Variants in PUF60 observed in about 807,000 individuals in gnomAD.
The protein encoded by PUF60 is poly(U) binding splicing factor 60, also known as poly(U)-binding-splicing factor PUF60.
Under a neutral mutation model 61.8 loss-of-function variants are expected in PUF60, and 10 were observed. That is an observed-to-expected ratio of 0.16 (90% confidence interval 0.10 to 0.27). PUF60 has a LOEUF of 0.27. PUF60 is among the 10% of genes least tolerant of loss of function. PUF60 has a pLI of 1.00. For missense variants in PUF60, 371 were observed against 754.0 expected, an observed-to-expected ratio of 0.49 and a Z score of 5.95; for synonymous variants, 353 against 300.9, an observed-to-expected ratio of 1.17 and a Z score of -1.79.
Position 143,816,409 on chromosome 8 carries a change from C to T in PUF60, c.*111G>A, listed in dbSNP as rs1246419560. ...CCAGCAGCATCCGCACCTTTATCCG[C>T]ACTGTAGGCTGGGCTGGGCAGAGCG... On this transcript the variant is annotated 3_prime_UTR_variant, in exon 12 of 12. Transcript: ENST00000526683. 3.2e-6 allele frequency: 4 copies of T among 1,253,432 alleles called. No individual in the cohort carries two copies. The South Asian group carries it at 6.0e-5, about 19-fold the overall frequency. The allele number at this position is 1,253,432 out of a possible 1,614,324, so 77.6% of individuals were successfully genotyped here. A position where few individuals can be genotyped will look rare whatever the true frequency, so the allele number is the denominator to read the frequency against.
chr8:143,825,799 C>T (rs1339631502), intron 1 of PUF60, among the ~76,000 whole-genome samples: 2 of 152,226 alleles, frequency 1.3e-5, no homozygotes, highest in African/African-American at 4.8e-5. Context: ...AGCAAGAGAT[C>T]ACTTCACGAC....
intron 1 of PUF60, among the ~76,000 whole-genome samples, chr8:143,828,463 T>G (rs1198225679): frequency 6.6e-6 from 1 of 152,226 alleles, no homozygotes; most frequent in Non-Finnish European, 1.5e-5. Context: ...ATGTGTTGTG[T>G]GCATGGGTGT....
At chr8:143,827,033 T>G in intron 1 of PUF60, 1 of 285,824 alleles carries the variant, frequency 3.5e-6, no homozygotes, top group Non-Finnish European at 6.8e-6. Context: ...GCTTACTGCG[T>G]GCCCAGGCTC....
chr8:143,821,213 G>C (rs1328483479), intron 4 of PUF60: 5 of 429,528 alleles, frequency 1.2e-5, no homozygotes, highest in African/African-American at 1.0e-4. Flanking sequence ...GTGAGGGCCT[G>C]AGCAGTCTTA....
Position 143,816,742 on chromosome 8 carries a change from C to T in PUF60, c.1458G>A (p.Glu486=). Residue 486 remains glutamate, a synonymous_variant, in exon 12 of 12, where the codon GAG becomes GAA. Transcript: ENST00000526683. ...DDDLEGEVTE[E]CGKFGAVNRV... is the part of the protein sequence containing the mutation. ...GGTTCACGGCCCCGAACTTGCCACA[C>T]TCCTCTGTCACCTCCCCTTCCAGGT... 1 of 1,613,816 alleles carries T rather than the reference C, an allele frequency of 6.2e-7. No homozygotes were observed. Among genetic ancestry groups the T allele is most frequent in the Non-Finnish European group, 8.5e-7 (1 of 1,179,882 alleles).
chr8:143,816,636 C>A lies in PUF60; in HGVS notation c.1564G>T (p.Ala522Ser). 1 of 1,613,850 alleles carries A rather than the reference C, an allele frequency of 6.2e-7. No individual in the cohort carries two copies. ...IVKIFVEFSI[A>S]SETHKAIQAL... ...TGGATGGCCTTATGAGTCTCAGAGGCTATGGAAAACTCCACAAAGATCTTG... is the reference window on the plus strand; with the variant it reads ...TGGATGGCCTTATGAGTCTCAGAGGATATGGAAAACTCCACAAAGATCTTG... The change falls in exon 12 of 12, where the codon GCC (alanine) becomes TCC (serine). Residue 522 changes from alanine to serine, a missense_variant. Physicochemically the swap from Ala to Ser is moderately conservative, Grantham distance 99. Around this residue, in one of 13 missense-constraint regions of PUF60, gnomAD observed 19 missense variants for 16.9 expected, o/e 1.12. Transcript: ENST00000526683.
At chr8:143,824,999 G>A (rs567433065) in intron 1 of PUF60, 3 of 153,424 alleles carry the variant, frequency 2.0e-5, no homozygotes, top group Admixed American at 1.9e-4. Context: ...TCTGCACTCA[G>A]TAAGACCCAC....
At chr8:143,825,777 C>G (rs1411405125) in intron 1 of PUF60, among the ~76,000 whole-genome samples, 1 of 152,234 alleles carries the variant, frequency 6.6e-6, no homozygotes, top group Non-Finnish European at 1.5e-5. Context: ...AAGGCTGCCT[C>G]TCATTGCCCA....
rs776428114 is a variant in PUF60, at chr8:143,816,632, G to C, written c.1568C>G (p.Ser523Cys). 1.2e-6 allele frequency: 2 copies of C among 1,613,854 alleles called. No homozygotes were observed. Among genetic ancestry groups the C allele is most frequent in the South Asian group, 1.1e-5 (1 of 91,084 alleles). The change falls in exon 12 of 12, where the codon TCT (serine) becomes TGT (cysteine). Residue 523 changes from serine (S) to cysteine (C), a missense_variant. Transcript: ENST00000526683. The stretch of plus-strand genomic sequence containing the variant: ...GGCCTGGATGGCCTTATGAGTCTCA[G>C]AGGCTATGGAAAACTCCACAAAGAT... The part of the protein sequence containing the change: ...VKIFVEFSIA[S>C]ETHKAIQALN...
intron 2 of PUF60, chr8:143,822,505 T>C (rs1484247907): frequency 2.2e-6 from 1 of 456,498 alleles, no homozygotes; most frequent in South Asian, 1.5e-5. Context: ...AACACAGGCC[T>C]CTCTCGGGCC....
intron 1 of PUF60, among the ~76,000 whole-genome samples, chr8:143,826,591 T>C (rs1207068400): frequency 6.6e-6 from 1 of 152,126 alleles, no homozygotes; most frequent in Non-Finnish European, 1.5e-5. Flanking sequence ...GGCAAGCACC[T>C]GTAATCCCAG....
intron 1 of PUF60, chr8:143,825,136 AC>A (rs1021895452): frequency 6.6e-6 from 1 of 152,252 alleles, no homozygotes; most frequent in African/African-American, 2.4e-5. Flanking sequence ...GGGCCTTGAG[AC>A]CTACTCTACC....
intron 4 of PUF60, among the ~76,000 whole-genome samples, 168 bp from the exon 5 acceptor site, chr8:143,820,884 G>C (rs550183981): frequency 6.6e-6 from 1 of 152,178 alleles, no homozygotes; most frequent in African/African-American, 2.4e-5. Flanking sequence ...GGGCCGCAGC[G>C]CCCCATGTGC....
Position 143,821,830 on chromosome 8 carries a change from C to T in PUF60, c.195G>A (p.Glu65=). ...GLPPLTPEQQ[E]ALQKAKKYAM... ...GGTCCATGCTCACCTTCTGAAGGGC[C>T]TCCTGCTGCTCGGGCGTCAGGGGAG... The change falls in exon 3 of 12, where the codon GAG becomes GAA. Residue 65 remains glutamate (E), a synonymous_variant. Transcript: ENST00000526683. The T allele has an allele frequency of 6.2e-7, 1 of 1,610,802 alleles. No individual in the cohort carries two copies. The highest frequency in any genetic ancestry group is 2.2e-5 in the East Asian group (1 of 44,856).
rs566840343 is a variant in PUF60, at chr8:143,819,695, G to A, written c.348+971C>T. On this transcript the variant is annotated intron_variant, in intron 5 of 11. Coordinates refer to ENST00000526683, the MANE Select transcript of PUF60 (RefSeq NM_078480.3). ...CACTGGGCCCCCTGACAGACCTCAG[G>A]CTCCCCACTCAGAGCAAGACCCCCC... Among the ~76,000 whole-genome samples the A allele has an allele frequency of 7.2e-5, 11 of 152,164 alleles. No individual in the cohort carries two copies. The South Asian group carries it at 2.3e-3, about 32-fold the overall frequency.
At chr8:143,823,593 C>A (rs1390278968) in intron 2 of PUF60, among the ~76,000 whole-genome samples, 3 of 152,250 alleles carry the variant, frequency 2.0e-5, no homozygotes, top group Non-Finnish European at 4.4e-5. Context: ...CAGTCCCACC[C>A]CCTGAGTGTG....
At chr8:143,827,209 T>C (rs1817731294) in intron 1 of PUF60, 1 of 357,490 alleles carries the variant, frequency 2.8e-6, no homozygotes, top group South Asian at 2.1e-5. Flanking sequence ...GGCTATGAGC[T>C]ATGCCAGGCC....
At position 143,818,331 on chromosome 8, in the gene PUF60, G is replaced by T. The variant is rs1246236611; in HGVS notation, c.510+42C>A. 4.4e-6 allele frequency: 7 copies of T among 1,608,716 alleles called. No individual in the cohort carries two copies. Among genetic ancestry groups the T allele is most frequent in the Non-Finnish European group, 5.9e-6 (7 of 1,176,864 alleles). On this transcript the variant is annotated intron_variant, in intron 6 of 11. Transcript: ENST00000526683. This position sits in a 1 kb window ranked among gnomAD's most constrained non-coding sequence, Gnocchi z 7.9. ...GTCAGGCTGCGCGAGCCCAGGGGTG[G>T]GGGCGAGCCCGAAGTGGCCGGGGCG...
Position 143,824,413 on chromosome 8 carries a change from G to A in PUF60, c.25-14C>T, listed in dbSNP as rs769795534. The A allele has an allele frequency of 1.6e-5, 25 of 1,610,114 alleles. No individual in the cohort carries two copies. Among genetic ancestry groups the A allele is most frequent in the East Asian group, 2.2e-5 (1 of 44,880 alleles). ...GCCATTGACCTGCTGCAGGCAGGAA[G>A]GAGATGTTGTAACGACAGGCACACC... On this transcript the variant is annotated splice_polypyrimidine_tract_variant and intron_variant, in intron 1 of 11. Transcript: ENST00000526683.
Sources: allele counts gnomAD v4.1 joint callset (sites outside exome capture counted in the v4.1 genomes callset), GRCh38; gene constraint gnomAD v4.1.1; regional missense constraint gnomAD v4.1.1; non-coding constraint Gnocchi (gnomAD v3.1); transcripts MANE v1.5; gene names NCBI Gene and HGNC (gene_info 2026-07-23, HGNC 2026-07-21).